Variants in CACNA2D3 observed in about 807,000 individuals in gnomAD.
The protein encoded by CACNA2D3 is calcium voltage-gated channel auxiliary subunit alpha2delta 3.
A neutral mutation model predicts 160.6 loss-of-function variants in CACNA2D3; 60 were observed. The observed-to-expected ratio is 0.37, with a 90% CI of 0.30 to 0.46. The LOEUF (loss-of-function observed/expected upper bound fraction) is 0.46. CACNA2D3 is among the 20% of genes least tolerant of loss of function. The pLI is 1.00. For missense variants in CACNA2D3, 1,205 were observed against 1,365.0 expected (o/e 0.88, Z 1.85); for synonymous variants, 558 against 492.9 (o/e 1.13, Z -1.75).
intron 10 of CACNA2D3, 88 bp downstream of exon 10, chr3:54,627,964 G>C (rs1185648587): frequency 1.1e-6 from 1 of 877,664 alleles, no homozygotes; most frequent in Non-Finnish European, 1.9e-6. Context: ...TGGGCGCTGT[G>C]GTTCAGACCT....
chr3:54,140,090 G>T (rs1466378662), intron 2 of CACNA2D3, among the ~76,000 whole-genome samples: 3 of 152,200 alleles, frequency 2.0e-5, no homozygotes, highest in Non-Finnish European at 2.9e-5. Context: ...ATTGGATCAG[G>T]AATTTAAACT....
chr3:54,872,604 G>A (rs1699561151), intron 18 of CACNA2D3, among the ~76,000 whole-genome samples: 1 of 152,122 alleles, frequency 6.6e-6, no homozygotes, highest in Admixed American at 6.5e-5. Flanking sequence ...CAGTGCTTCC[G>A]CTGCAGCTTT....
At chr3:54,570,982 AG>A (rs1297959648) in intron 8 of CACNA2D3, among the ~76,000 whole-genome samples, 1 of 152,230 alleles carries the variant, frequency 6.6e-6, no homozygotes, top group African/African-American at 2.4e-5. Context: ...GCACCTGTTC[AG>A]CTTGGTTCAC....
chr3:54,315,747 C>T (rs1176241703), intron 2 of CACNA2D3, among the ~76,000 whole-genome samples: 4 of 151,894 alleles, frequency 2.6e-5, no homozygotes, highest in East Asian at 1.9e-4. Flanking sequence ...CTGTGATACA[C>T]GTGAAAAGCT....
chr3:54,278,496 A>G (rs1286983277), intron 2 of CACNA2D3, among the ~76,000 whole-genome samples: 1 of 152,212 alleles, frequency 6.6e-6, no homozygotes, highest in Non-Finnish European at 1.5e-5. Flanking sequence ...GTGTATACCC[A>G]AAGGATTATA....
intron 31 of CACNA2D3, among the ~76,000 whole-genome samples, chr3:54,989,128 A>G (rs1371441867): frequency 1.3e-5 from 2 of 152,314 alleles, no homozygotes; most frequent in South Asian, 2.1e-4. Context: ...CATTTGTATC[A>G]TGTTAACTTC....
At chr3:54,186,338 G>A (rs1197331283) in intron 2 of CACNA2D3, among the ~76,000 whole-genome samples, 12 of 152,118 alleles carry the variant, frequency 7.9e-5, no homozygotes, top group Non-Finnish European at 1.3e-4. Flanking sequence ...GACACAGATC[G>A]GTTGGGTGAA....
intron 2 of CACNA2D3, among the ~76,000 whole-genome samples, chr3:54,284,988 A>G (rs1702974175): frequency 6.6e-6 from 1 of 152,226 alleles, no homozygotes; most frequent in South Asian, 2.1e-4. Context: ...TCTGGTCTAC[A>G]GCTCCCAGCA....
chr3:54,369,294 A>T (rs1376426681), intron 3 of CACNA2D3, among the ~76,000 whole-genome samples: 1 of 151,588 alleles, frequency 6.6e-6, no homozygotes, highest in Non-Finnish European at 1.5e-5. Context: ...AGTGGTATAG[A>T]GTAGAACTAA....
chr3:54,978,225 C>G (rs981519772), intron 29 of CACNA2D3, among the ~76,000 whole-genome samples: 5 of 152,192 alleles, frequency 3.3e-5, no homozygotes, highest in Non-Finnish European at 7.4e-5. Context: ...CCCAATAGGT[C>G]TCAGCCTCAT....
intron 27 of CACNA2D3, 56 bp downstream of exon 27, chr3:54,899,924 G>A: frequency 7.9e-7 from 1 of 1,273,358 alleles, no homozygotes; most frequent in Non-Finnish European, 1.1e-6. Context: ...CATTCATCCG[G>A]CCAGTGGGCT....
intron 9 of CACNA2D3, among the ~76,000 whole-genome samples, chr3:54,596,717 T>C (rs1048685762): frequency 6.6e-6 from 1 of 152,176 alleles, no homozygotes; most frequent in Non-Finnish European, 1.5e-5. Context: ...TCTTCTGTTC[T>C]TGACTTCACC....
intron 11 of CACNA2D3, among the ~76,000 whole-genome samples, chr3:54,686,315 T>A (rs1323056328): frequency 6.6e-6 from 1 of 152,268 alleles, no homozygotes; most frequent in African/African-American, 2.4e-5. Flanking sequence ...TAAAGCTTGC[T>A]GACCCCTGAA....
chr3:54,714,676 A>G (rs917606505), intron 11 of CACNA2D3, among the ~76,000 whole-genome samples: 21 of 152,212 alleles, frequency 1.4e-4, no homozygotes, highest in Middle Eastern at 3.4e-3. Flanking sequence ...TCACTAGACC[A>G]CCTCTTTGCC....
intron 4 of CACNA2D3, among the ~76,000 whole-genome samples, chr3:54,421,392 A>G (rs762818655): frequency 7.2e-5 from 11 of 152,214 alleles, no homozygotes; most frequent in Non-Finnish European, 1.5e-4. Flanking sequence ...GATAGAGTGA[A>G]TCAGACACTG....
intron 4 of CACNA2D3, among the ~76,000 whole-genome samples, chr3:54,479,442 C>T (rs1028611047): frequency 3.9e-5 from 6 of 152,284 alleles, no homozygotes; most frequent in East Asian, 3.9e-4. Flanking sequence ...TACTTCACAG[C>T]GAAAATTGAT....
rs776816772 is a variant in CACNA2D3 at position 54,885,338 on chromosome 3, A to G, written c.1958+12A>G. The G allele has an allele frequency of 3.1e-6, 5 of 1,613,648 alleles. No homozygotes were observed. The African/African-American group carries it at 4.0e-5, about 13-fold the overall frequency. On this transcript the variant is annotated intron_variant, in intron 22 of 37. Coordinates refer to ENST00000474759, the MANE Select transcript of CACNA2D3 (RefSeq NM_018398.3). ...TTGGCAGATGAATGGTAAGAATTAAACCATCCCTCCTTGACCATGGCATCC... is the reference window on the plus strand; with the variant it reads ...TTGGCAGATGAATGGTAAGAATTAAGCCATCCCTCCTTGACCATGGCATCC...
chr3:54,792,901 G>A (rs999681172), intron 13 of CACNA2D3, among the ~76,000 whole-genome samples: 1 of 152,106 alleles, frequency 6.6e-6, no homozygotes, highest in African/African-American at 2.4e-5. Context: ...TTACCTCAAA[G>A]GCAAATCAAA....
intron 4 of CACNA2D3, among the ~76,000 whole-genome samples, chr3:54,500,948 G>A (rs756291283): frequency 1.3e-5 from 2 of 152,202 alleles, no homozygotes; most frequent in Non-Finnish European, 2.9e-5. Flanking sequence ...GAAAGCCCAA[G>A]ATCAAGGTGC....
Sources: gnomAD v4.1 joint callset for allele counts (sites outside exome capture counted in the v4.1 genomes callset) on GRCh38, gnomAD v4.1.1 for gene constraint, MANE v1.5 for transcripts, NCBI Gene and HGNC (gene_info 2026-07-23, HGNC 2026-07-21) for gene names.